The following DAAM2 variants were observed in gnomAD, a reference collection of about 807,000 sequenced individuals.
DAAM2 encodes the protein disheveled-associated activator of morphogenesis 2.
A neutral mutation model predicts 120.7 loss-of-function variants in DAAM2; 39 were observed. The ratio of observed to expected loss-of-function variants is 0.32; its 90% confidence interval spans 0.25 to 0.42. The LOEUF is 0.42. Among genes scored for constraint, DAAM2 ranks in the 10% least tolerant of loss-of-function variants. DAAM2 has a pLI of 1.00. For missense variants in DAAM2, 1,283 were observed against 1,401.7 expected, an observed-to-expected ratio of 0.92 and a Z score of 1.35; for synonymous variants, 488 against 524.9, an observed-to-expected ratio of 0.93 and a Z score of 0.96.
chr6:39,864,627 T>G, intron 4 of DAAM2, 120 bp downstream of exon 4: 2 of 729,734 alleles, frequency 2.7e-6, no homozygotes, highest in Non-Finnish European at 4.4e-6. Context: ...AGCGCCCCAC[T>G]GCCCACTCAC....
chr6:39,901,197 A>G lies in DAAM2; in HGVS notation c.2812-105A>G. ...CCTGCCCCCTGTGCCAACAGTCCCC[A>G]GCCTTGCGCTGGGCTCTGCTCTGGC... On this transcript the variant is annotated intron_variant, in intron 23 of 24. Transcript: ENST00000274867. This position sits in a 1 kb window ranked among gnomAD's most constrained non-coding sequence, Gnocchi z 4.5. 3.9e-6 allele frequency: 4 copies of G among 1,031,262 alleles called. No homozygotes were observed. Among genetic ancestry groups the G allele is most frequent in the Non-Finnish European group, 5.8e-6 (4 of 691,914 alleles). 63.9% of individuals were successfully genotyped at this position (1,031,262 alleles called of 1,614,324 possible).
At chr6:39,845,369 A>ATATACCCACCACACCAC (rs1763539180) in intron 1 of DAAM2, among the ~76,000 whole-genome samples, 9 of 202 alleles carry the variant, frequency 0.045, no homozygotes, top group South Asian at 0.33. Context: ...CACATGCACA[A>ATATACCCACCACACCAC]ACATACACAT....
chr6:39,871,440 TA>T, intron 8 of DAAM2, 65 bp from the exon 9 acceptor site: 1 of 1,447,822 alleles, frequency 6.9e-7, no homozygotes, highest in Non-Finnish European at 9.5e-7. Flanking sequence ...GAAGGGGCTG[TA>T]ACCCTCAACC....
At chr6:39,877,140 C>A (rs1764906559) in intron 11 of DAAM2, among the ~76,000 whole-genome samples, 1 of 152,192 alleles carries the variant, frequency 6.6e-6, no homozygotes, top group East Asian at 1.9e-4. Flanking sequence ...TGTGGATGTT[C>A]CCACTTTTCG....
intron 1 of DAAM2, 97 bp from the exon 2 acceptor site, chr6:39,856,150 G>A (rs1309275047): frequency 1.6e-6 from 2 of 1,268,328 alleles, no homozygotes; most frequent in South Asian, 2.8e-5. Flanking sequence ...AGGGCTCCCA[G>A]CAACCTGTGG....
intron 14 of DAAM2, among the ~76,000 whole-genome samples, chr6:39,881,641 G>T: frequency 6.6e-6 from 1 of 152,198 alleles, no homozygotes; most frequent in South Asian, 2.1e-4. Context: ...TAAACCTGGG[G>T]GGCGGAGGTT....
chr6:39,846,515 T>C (rs576769651), intron 1 of DAAM2, among the ~76,000 whole-genome samples: 7 of 152,202 alleles, frequency 4.6e-5, no homozygotes, highest in Non-Finnish European at 8.8e-5. Context: ...GTTGGACTTC[T>C]GTTCTTGATC....
chr6:39,840,822 C>G (rs186728964), intron 1 of DAAM2, among the ~76,000 whole-genome samples: 77 of 152,186 alleles, frequency 5.1e-4, no homozygotes, highest in Admixed American at 1.9e-3. Flanking sequence ...GATCACAACC[C>G]AGGGAGAGTG....
At chr6:39,881,649 G>A (rs905739372) in intron 14 of DAAM2, among the ~76,000 whole-genome samples, 1 of 152,190 alleles carries the variant, frequency 6.6e-6, no homozygotes, top group Non-Finnish European at 1.5e-5. Context: ...GGGGGCGGAG[G>A]TTGTAATGAA....
intron 1 of DAAM2, among the ~76,000 whole-genome samples, chr6:39,823,546 C>A (rs543675475): frequency 6.6e-6 from 1 of 152,312 alleles, no homozygotes; most frequent in African/African-American, 2.4e-5. Flanking sequence ...GATGGGACGA[C>A]TTGTGCCGGG....
At chr6:39,870,828 C>T (rs375077594) in intron 8 of DAAM2, among the ~76,000 whole-genome samples, 93 of 152,214 alleles carry the variant, frequency 6.1e-4, no homozygotes, top group Non-Finnish European at 9.6e-4. Context: ...AGAAATGTCC[C>T]ACCCAAAATG....
At chr6:39,868,681 G>A (rs565346976) in intron 6 of DAAM2, 142 bp from the exon 7 acceptor site, 1 of 641,660 alleles carries the variant, frequency 1.6e-6, no homozygotes, top group Admixed American at 2.6e-5. Context: ...GGGCAGCCCA[G>A]AGTAAATTGG....
At chr6:39,851,584 T>C (rs1184060540) in intron 1 of DAAM2, among the ~76,000 whole-genome samples, 2 of 152,198 alleles carry the variant, frequency 1.3e-5, no homozygotes, top group Admixed American at 1.3e-4. Context: ...AGCTGGTGTG[T>C]GCAGTGGCTA....
rs879592854 is a variant in DAAM2 at position 39,902,184 on chromosome 6, C to G, written c.*147C>G. The G allele has an allele frequency of 8.6e-6, 5 of 580,712 alleles. No homozygotes were observed. Among genetic ancestry groups the G allele is most frequent in the Non-Finnish European group, 1.5e-5 (5 of 343,230 alleles). 36.0% of individuals were successfully genotyped at this position (580,712 alleles called of 1,614,324 possible). On this transcript the variant is annotated 3_prime_UTR_variant, in exon 25 of 25. Coordinates refer to ENST00000274867, the MANE Select transcript of DAAM2 (RefSeq NM_001201427.2). ...GGATGGGGGGCTGTGTGTGGCTGGA[C>G]CAGGTGTCTCCCCACGCTTACCTTA... is the stretch of plus-strand genomic sequence containing the variant.
rs189279789 is a variant in DAAM2, at chr6:39,808,438, A to T, written c.-57+15973A>T. ...TCTCCACCATCACTGCCTTGTCGCC[A>T]TGAAGTCCTCCTTCCCTTCTGATTT... On this transcript the variant is annotated intron_variant, in intron 1 of 24. Transcript: ENST00000274867. Among the ~76,000 whole-genome samples the T allele has an allele frequency of 5.6e-4, 86 of 152,282 alleles. 1 individual carries two copies. In the East Asian group the frequency reaches 0.014, roughly 24 times the overall value.
At chr6:39,841,677 G>T (rs900992770) in intron 1 of DAAM2, among the ~76,000 whole-genome samples, 1 of 152,110 alleles carries the variant, frequency 6.6e-6, no homozygotes, top group Non-Finnish European at 1.5e-5. Flanking sequence ...GCACTGAGGA[G>T]GGAGATCCCT....
At chr6:39,809,551 G>A (rs946772119) in intron 1 of DAAM2, among the ~76,000 whole-genome samples, 2 of 152,092 alleles carry the variant, frequency 1.3e-5, no homozygotes, top group African/African-American at 4.8e-5. Flanking sequence ...CACAATGGTT[G>A]TCCTAGGGAA....
intron 16 of DAAM2, 160 bp downstream of exon 16, chr6:39,887,752 T>C (rs1582742953): frequency 6.9e-6 from 4 of 578,798 alleles, no homozygotes; most frequent in Non-Finnish European, 3.1e-6. Flanking sequence ...GAGCAGCAGT[T>C]TGGGGCTCTG....
rs542905436 is a variant in DAAM2, at chr6:39,860,853, A to G, written c.169-75A>G. On this transcript the variant is annotated intron_variant, in intron 2 of 24. Coordinates refer to ENST00000274867, the MANE Select transcript of DAAM2 (RefSeq NM_001201427.2). ...GAGGAACTGATTTGGGGGAATTGTAATTTCCTGCAGGGCTGACTATTCTAA... is the reference window on the plus strand; with the variant it reads ...GAGGAACTGATTTGGGGGAATTGTAGTTTCCTGCAGGGCTGACTATTCTAA... The G allele has an allele frequency of 1.2e-4, 142 of 1,221,660 alleles. No individual in the cohort carries two copies. The East Asian group carries it at 3.5e-3, about 30-fold the overall frequency. 75.7% of individuals were successfully genotyped at this position (1,221,660 alleles called of 1,614,324 possible).
Sources: allele counts gnomAD v4.1 joint callset (sites outside exome capture counted in the v4.1 genomes callset), GRCh38; gene constraint gnomAD v4.1.1; non-coding constraint Gnocchi (gnomAD v3.1); transcripts MANE v1.5; gene names NCBI Gene and HGNC (gene_info 2026-07-23, HGNC 2026-07-21).